The following APBA2 variants were observed in gnomAD, a reference collection of about 807,000 sequenced individuals.
APBA2 encodes the protein amyloid-beta A4 precursor protein-binding family A member 2.
APBA2 carries 30 observed loss-of-function variants against 75.0 expected under a neutral mutation model. That is an observed-to-expected ratio of 0.40 (90% confidence interval 0.30 to 0.54). The LOEUF is 0.54. Ranked by LOEUF, APBA2 falls within the 20% of genes least tolerant of loss-of-function variation. The pLI is 0.49. For synonymous variants in APBA2, 444 were observed against 409.6 expected, an observed-to-expected ratio of 1.08 and a Z score of -1.01; for missense variants, 801 against 1,016.1, an observed-to-expected ratio of 0.79 and a Z score of 2.88.
chr15:29,023,894 C>A (rs2040082494), intron 3 of APBA2, among the ~76,000 whole-genome samples: 1 of 145,430 alleles, frequency 6.9e-6, no homozygotes, highest in African/African-American at 2.7e-5. Flanking sequence ...CTACTTCTTT[C>A]CTTTTTGTCG....
At chr15:29,010,705 C>T (rs2039360728) in intron 3 of APBA2, among the ~76,000 whole-genome samples, 1 of 152,120 alleles carries the variant, frequency 6.6e-6, no homozygotes, top group Admixed American at 6.5e-5. Flanking sequence ...GCTTTTTGTG[C>T]CCTGTTTAGG....
chr15:29,072,146 A>G (rs1464883732), intron 4 of APBA2, among the ~76,000 whole-genome samples: 1 of 152,108 alleles, frequency 6.6e-6, no homozygotes, highest in Non-Finnish European at 1.5e-5. Flanking sequence ...AATCCCGCCC[A>G]GCTTGCAGGA....
At chr15:29,104,446 T>C (rs1361278081) in intron 10 of APBA2, among the ~76,000 whole-genome samples, 1 of 152,228 alleles carries the variant, frequency 6.6e-6, no homozygotes, top group Non-Finnish European at 1.5e-5. Flanking sequence ...TCCCACTGTC[T>C]CCTGTCTGCG....
In APBA2 at chr15:29,113,942, G is replaced by A. The variant is rs1567033604; in HGVS notation, c.2104G>A (p.Glu702Lys). The A allele has an allele frequency of 1.2e-6, 2 of 1,613,604 alleles. No individual in the cohort carries two copies. Among genetic ancestry groups the A allele is most frequent in the Non-Finnish European group, 8.5e-7 (1 of 1,180,036 alleles). Residue 702 changes from glutamate (E) to lysine (K), a missense_variant, in exon 14 of 15, where the codon GAG becomes AAG. This residue lies in a region of APBA2 where 367 missense variants were observed against 544.5 expected (regional missense o/e 0.67). Coordinates refer to ENST00000683413, the MANE Select transcript of APBA2 (RefSeq NM_001353788.2). ...GGVRVGHRII[E>K]INGQSVVATA... Reference sequence around the variant, plus strand: ...CGTCCGTGTGGGCCACCGCATCATCGAGATCAACGGGCAGAGCGTGGTGGC... The same window carrying A: ...CGTCCGTGTGGGCCACCGCATCATCAAGATCAACGGGCAGAGCGTGGTGGC...
At chr15:29,102,834 C>G (rs2044195135) in intron 10 of APBA2, 1 of 152,124 alleles carries the variant, frequency 6.6e-6, no homozygotes, top group South Asian at 2.1e-4. Flanking sequence ...TTGAGGCTGT[C>G]TCAGGGACCT....
At chr15:28,915,204 ATAG>A in intron 1 of APBA2, among the ~76,000 whole-genome samples, 3 of 44,324 alleles carry the variant, frequency 6.8e-5, no homozygotes, top group Admixed American at 2.4e-4. Flanking sequence ...CACCACACAC[ATAG>A]CGCATACACA....
At position 29,074,925 on chromosome 15, in the gene APBA2, G is replaced by A. The variant is rs112043277; in HGVS notation, c.956G>A (p.Cys319Tyr). 6 of 1,614,084 alleles carry A rather than the reference G, an allele frequency of 3.7e-6. No homozygotes were observed. The highest frequency in any genetic ancestry group is 2.7e-5 in the African/African-American group (2 of 75,042). Residue 319 changes from cysteine (C) to tyrosine (Y), a missense_variant, in exon 5 of 15, where the codon TGC becomes TAC. Around this residue, in one of 2 missense-constraint regions of APBA2, gnomAD observed 434 missense variants for 471.6 expected, o/e 0.92. Transcript: ENST00000683413. The stretch of plus-strand genomic sequence containing the variant: ...CTTTAACTTCCCCGTTTCCAGGTTT[G>A]CAATGGTCTGGAGCAGCCAAGGAAG... ...ERLKWPHEQV[C>Y]NGLEQPRKQQ...
intron 3 of APBA2, among the ~76,000 whole-genome samples, chr15:29,019,863 T>C (rs2039863115): frequency 6.6e-6 from 1 of 152,260 alleles, no homozygotes; most frequent in South Asian, 2.1e-4. Flanking sequence ...GTGCTGGCTG[T>C]CATCTGCATT....
chr15:29,032,357 A>T (rs2040531267), intron 3 of APBA2, among the ~76,000 whole-genome samples: 1 of 152,216 alleles, frequency 6.6e-6, no homozygotes, highest in African/African-American at 2.4e-5. Context: ...TGAAGGCCTT[A>T]AGACCAAAGG....
At chr15:28,974,321 C>T (rs1187266839) in intron 2 of APBA2, among the ~76,000 whole-genome samples, 1 of 152,154 alleles carries the variant, frequency 6.6e-6, no homozygotes, top group Non-Finnish European at 1.5e-5. Context: ...CATAACATCA[C>T]CAGAACCTCT....
At chr15:28,940,945 G>T (rs890814195) in intron 2 of APBA2, among the ~76,000 whole-genome samples, 2 of 152,342 alleles carry the variant, frequency 1.3e-5, no homozygotes, top group South Asian at 4.1e-4. Context: ...GAGCTCACCT[G>T]ATGAGGCCAG....
At chr15:29,020,651 CA>C (rs59024300) in intron 3 of APBA2, among the ~76,000 whole-genome samples, 57,178 of 151,020 alleles carry the variant, frequency 0.38, 18,039 homozygotes, top group African/African-American at 0.84. Context: ...ACTAAAAATA[CA>C]AAAAAAAATT....
intron 2 of APBA2, among the ~76,000 whole-genome samples, chr15:28,927,713 C>T (rs1054762680): frequency 2.0e-5 from 3 of 151,804 alleles, no homozygotes; most frequent in Admixed American, 1.3e-4. Flanking sequence ...AGGCATGAGC[C>T]GCTGTGCCCG....
chr15:29,109,755 C>T (rs567904353), intron 13 of APBA2, among the ~76,000 whole-genome samples: 1 of 152,260 alleles, frequency 6.6e-6, no homozygotes, highest in South Asian at 2.1e-4. Context: ...GTGTGACCCT[C>T]AACAAGTCAC....
At chr15:29,099,464 A>G (rs1175077318) in intron 9 of APBA2, among the ~76,000 whole-genome samples, 1 of 152,234 alleles carries the variant, frequency 6.6e-6, no homozygotes, top group Non-Finnish European at 1.5e-5. Context: ...AGGGAAGCTC[A>G]TAGACACTCA....
At chr15:29,010,837 C>T (rs74711206) in intron 3 of APBA2, among the ~76,000 whole-genome samples, 2,684 of 152,204 alleles carry the variant, frequency 0.018, 76 homozygotes, top group African/African-American at 0.061. Context: ...TAGCTGTAAT[C>T]CACTATTTTT....
chr15:28,959,141 G>A (rs1034820051), intron 2 of APBA2, among the ~76,000 whole-genome samples: 11 of 151,988 alleles, frequency 7.2e-5, no homozygotes, highest in Admixed American at 1.3e-4. Flanking sequence ...GGTGCATGCC[G>A]CCATGCCCAG....
At chr15:28,948,336 A>G (rs1262843428) in intron 2 of APBA2, among the ~76,000 whole-genome samples, 1 of 151,708 alleles carries the variant, frequency 6.6e-6, no homozygotes, top group African/African-American at 2.4e-5. Flanking sequence ...CTTCCACCCC[A>G]TATCCTTCTT....
intron 4 of APBA2, among the ~76,000 whole-genome samples, chr15:29,062,061 G>A (rs571203972): frequency 7.9e-5 from 12 of 152,220 alleles, no homozygotes; most frequent in African/African-American, 2.9e-4. Context: ...TTGGGAAAGA[G>A]CCTGTAGGTG....
Sources: gnomAD v4.1 joint callset for allele counts (sites outside exome capture counted in the v4.1 genomes callset) on GRCh38, gnomAD v4.1.1 for gene constraint, gnomAD v4.1.1 regional missense constraint, MANE v1.5 for transcripts, NCBI Gene and HGNC (gene_info 2026-07-23, HGNC 2026-07-21) for gene names.